DPP6: variants seen among roughly 807,000 people sequenced by gnomAD.
DPP6 encodes the protein A-type potassium channel modulatory protein DPP6.
Under a neutral mutation model 122.6 loss-of-function variants are expected in DPP6, and 69 were observed. The observed-to-expected ratio is 0.56, with a 90% CI of 0.46 to 0.69. DPP6 has a LOEUF of 0.69. DPP6 is among the 30% of genes least tolerant of loss of function. The probability of loss-of-function intolerance (pLI) is 0.00; values close to 1 mark genes in which losing one functional copy is unlikely to be tolerated. For missense variants in DPP6, 928 were observed against 1,116.9 expected (o/e 0.83, Z 2.41); for synonymous variants, 418 against 433.1 (o/e 0.97, Z 0.43).
At chr7:154,675,532 G>C (rs543544571) in intron 7 of DPP6, among the ~76,000 whole-genome samples, 1 of 152,258 alleles carries the variant, frequency 6.6e-6, no homozygotes, top group East Asian at 1.9e-4. Flanking sequence ...TAGTGCACGG[G>C]ACCCTGCAGG....
At chr7:153,778,512 T>C in the DPP6 span, among the ~76,000 whole-genome samples, 3,835 of 141,736 alleles carry the variant, frequency 0.027, 182 homozygotes, top group African/African-American at 0.11. Context: ...CAGGTTTATT[T>C]AGGTATAATT....
chr7:154,150,822 G>T (rs1181397279), intron 1 of DPP6, among the ~76,000 whole-genome samples: 2 of 152,162 alleles, frequency 1.3e-5, no homozygotes, highest in Non-Finnish European at 2.9e-5. Context: ...GGTGATTCAA[G>T]TTGGGAGAAT....
chr7:154,814,851 C>G (rs573668991), intron 16 of DPP6, among the ~76,000 whole-genome samples: 1 of 152,144 alleles, frequency 6.6e-6, no homozygotes, highest in Non-Finnish European at 1.5e-5. Flanking sequence ...TGGTCTTCCC[C>G]CTCTGTCTCT....
chr7:154,134,675 C>T (rs1286223536), intron 1 of DPP6, among the ~76,000 whole-genome samples: 2 of 152,190 alleles, frequency 1.3e-5, no homozygotes, highest in Non-Finnish European at 2.9e-5. Context: ...GCATACACTT[C>T]CTGTAAGTGT....
In DPP6 at chr7:154,002,355, C is replaced by T. The variant is rs558284238; in HGVS notation, c.51+114621C>T. Among the ~76,000 whole-genome samples, 20 of 152,154 alleles carry T rather than the reference C, an allele frequency of 1.3e-4. No individual in the cohort carries two copies. In the South Asian group the frequency reaches 3.8e-3, roughly 29 times the overall value. ...GATGACTAAAAGCAAGGCCTGATCC[C>T]ACATATCTCTTTTATAGACCTGCTA... On this transcript the variant is annotated intron_variant, in intron 1 of 25. Transcript: ENST00000404039.
In DPP6 at chr7:154,789,173, G is replaced by A. The variant is rs984249734; in HGVS notation, c.1137-4906G>A. ...TTTAGGTGCTACTGAGCTCTTCTCC[G>A]GTGTAAATCTGGAAGACAGTCTAAC... On this transcript the variant is annotated intron_variant, in intron 10 of 25. Transcript: ENST00000377770. Among the ~76,000 whole-genome samples, 8 of 152,270 alleles carry A rather than the reference G, an allele frequency of 5.3e-5. No individual in the cohort carries two copies. The East Asian group carries it at 7.7e-4, about 15-fold the overall frequency.
intron 1 of DPP6, among the ~76,000 whole-genome samples, chr7:154,412,632 G>C (rs770725177): frequency 6.6e-6 from 1 of 152,130 alleles, no homozygotes; most frequent in Non-Finnish European, 1.5e-5. Context: ...AAATGGAAAT[G>C]CTTTACTTTC....
chr7:153,871,428 G>A, the DPP6 span, among the ~76,000 whole-genome samples: 36 of 152,284 alleles, frequency 2.4e-4, no homozygotes, highest in African/African-American at 6.3e-4. Flanking sequence ...GCGAGGCTCC[G>A]TGGGCATAGG....
At chr7:154,823,155 AT>A (rs1238242400) in intron 16 of DPP6, among the ~76,000 whole-genome samples, 2 of 151,946 alleles carry the variant, frequency 1.3e-5, no homozygotes, top group Admixed American at 6.6e-5. Context: ...TTAAGACATT[AT>A]TTTTTTTGCC....
chr7:154,835,579 A>G (rs1800983494), intron 16 of DPP6, among the ~76,000 whole-genome samples: 1 of 152,106 alleles, frequency 6.6e-6, no homozygotes, highest in Non-Finnish European at 1.5e-5. Context: ...TGGACCCCAA[A>G]GTGTTTTGGT....
chr7:154,819,423 A>AATT lies in DPP6; in HGVS notation c.1666+12312_1666+12313insTTA, dbSNP rs1563246826. ...AGAGTGAAACTCTGTCTCAATAAAT[A>AATT]AATAAATTAATTAATTAATTAATTC... On this transcript the variant is annotated intron_variant, in intron 16 of 25. Transcript: ENST00000377770. Among the ~76,000 whole-genome samples, 145 of 150,274 alleles carry AATT rather than the reference A, an allele frequency of 9.6e-4. 1 individual carries two copies. The highest frequency in any genetic ancestry group is 4.5e-3 in the East Asian group (23 of 5,134).
At chr7:154,399,891 A>T (rs1815419181) in intron 1 of DPP6, among the ~76,000 whole-genome samples, 1 of 152,198 alleles carries the variant, frequency 6.6e-6, no homozygotes, top group Non-Finnish European at 1.5e-5. Flanking sequence ...CTTGAATAAT[A>T]GATACAATTT....
chr7:154,380,021 A>G (rs1010032050), intron 1 of DPP6, among the ~76,000 whole-genome samples: 1 of 152,214 alleles, frequency 6.6e-6, no homozygotes, highest in Non-Finnish European at 1.5e-5. Context: ...AAACAAAATT[A>G]AAAAACAATG....
Position 154,385,014 on chromosome 7 carries a change from G to A in DPP6, c.244-61200G>A, listed in dbSNP as rs368767833. ...TTTTGAGAGGGAGTCTCGCTCTGTC[G>A]CCCAGGAGTGCAGTGGTGCGATCTC... On this transcript the variant is annotated intron_variant, in intron 1 of 25. Transcript: ENST00000377770. Among the ~76,000 whole-genome samples, 51 of 151,992 alleles carry A rather than the reference G, an allele frequency of 3.4e-4. No homozygotes were observed. The South Asian group carries it at 9.8e-3, about 29-fold the overall frequency.
intron 1 of DPP6, among the ~76,000 whole-genome samples, chr7:154,309,994 G>C (rs1056640198): frequency 6.6e-5 from 10 of 152,214 alleles, no homozygotes; most frequent in African/African-American, 2.4e-4. Context: ...CAGGTTCTTA[G>C]GATTGTGTAG....
intron 5 of DPP6, among the ~76,000 whole-genome samples, chr7:154,609,728 G>T (rs1833790246): frequency 6.6e-6 from 1 of 152,228 alleles, no homozygotes; most frequent in South Asian, 2.1e-4. Flanking sequence ...TCTGTAGGAA[G>T]ATATGTGTGC....
intron 1 of DPP6, among the ~76,000 whole-genome samples, chr7:154,311,102 T>C (rs1204542595): frequency 6.6e-6 from 1 of 152,180 alleles, no homozygotes; most frequent in East Asian, 1.9e-4. Context: ...GTGTATCATC[T>C]TGTTTCAGAC....
At chr7:154,543,051 A>T (rs923694248) in intron 4 of DPP6, among the ~76,000 whole-genome samples, 6 of 152,152 alleles carry the variant, frequency 3.9e-5, no homozygotes, top group Non-Finnish European at 7.4e-5. Flanking sequence ...AGGTTGGAGG[A>T]TCACCCACAG....
At chr7:154,450,003 C>T (rs1820219066) in intron 2 of DPP6, among the ~76,000 whole-genome samples, 1 of 140,756 alleles carries the variant, frequency 7.1e-6, no homozygotes, top group Admixed American at 7.5e-5. Context: ...AGCTAGACTC[C>T]ATCTCTAAAT....
Sources: allele counts gnomAD v4.1 joint callset (sites outside exome capture counted in the v4.1 genomes callset), GRCh38; gene constraint gnomAD v4.1.1; transcripts MANE v1.5; gene names NCBI Gene and HGNC (gene_info 2026-07-23, HGNC 2026-07-21).